The following NKAIN2 variants were observed in gnomAD, a reference collection of about 807,000 sequenced individuals.
The protein encoded by NKAIN2 is sodium/potassium-transporting ATPase subunit beta-1-interacting protein 2.
NKAIN2 carries 14 observed loss-of-function variants against 32.6 expected under a neutral mutation model. The observed-to-expected ratio is 0.43, with a 90% CI of 0.28 to 0.67. The LOEUF (loss-of-function observed/expected upper bound fraction) is 0.67. Among genes scored for constraint, NKAIN2 ranks in the 30% least tolerant of loss-of-function variants. The probability of loss-of-function intolerance (pLI) is 0.17; values close to 1 mark genes in which losing one functional copy is unlikely to be tolerated. For missense variants in NKAIN2, 198 were observed against 258.3 expected, an observed-to-expected ratio of 0.77 and a Z score of 1.60; for synonymous variants, 80 against 87.2, an observed-to-expected ratio of 0.92 and a Z score of 0.46.
intron 3 of NKAIN2, among the ~76,000 whole-genome samples, chr6:124,413,130 G>C (rs892102756): frequency 3.3e-5 from 5 of 152,136 alleles, no homozygotes; most frequent in Admixed American, 1.3e-4. Context: ...CCCGGGTGAG[G>C]TGATGCCTCA....
intron 3 of NKAIN2, among the ~76,000 whole-genome samples, chr6:124,373,217 A>G (rs1273699960): frequency 6.6e-6 from 1 of 152,144 alleles, no homozygotes; most frequent in Non-Finnish European, 1.5e-5. Flanking sequence ...AAGATTTGCT[A>G]ATGTCATGGA....
chr6:124,390,237 G>A (rs1773084599), intron 3 of NKAIN2, among the ~76,000 whole-genome samples: 2 of 152,156 alleles, frequency 1.3e-5, no homozygotes, highest in South Asian at 4.1e-4. Context: ...CTGAAGCAGG[G>A]GATTTTAACA....
intron 2 of NKAIN2, among the ~76,000 whole-genome samples, chr6:124,352,309 A>G (rs1798770576): frequency 6.6e-6 from 1 of 152,220 alleles, no homozygotes; most frequent in African/African-American, 2.4e-5. Flanking sequence ...ATTTACATTT[A>G]TACATACACA....
At chr6:124,655,340 AT>A (rs563487171) in intron 3 of NKAIN2, among the ~76,000 whole-genome samples, 1 of 151,638 alleles carries the variant, frequency 6.6e-6, no homozygotes, top group Non-Finnish European at 1.5e-5. Context: ...TATCATCTCC[AT>A]TTTTTTGGTT....
At chr6:124,685,643 C>G (rs957737015) in intron 4 of NKAIN2, among the ~76,000 whole-genome samples, 1 of 152,006 alleles carries the variant, frequency 6.6e-6, no homozygotes, top group Non-Finnish European at 1.5e-5. Context: ...TCCTAAGAAC[C>G]CTTCATCTAG....
intron 1 of NKAIN2, among the ~76,000 whole-genome samples, chr6:124,040,046 A>C (rs1781795977): frequency 1.3e-5 from 2 of 151,932 alleles, no homozygotes; most frequent in Admixed American, 1.3e-4. Flanking sequence ...AATGGCTGTT[A>C]TTTATTACAA....
chr6:124,650,232 T>A (rs1040542091), intron 3 of NKAIN2, among the ~76,000 whole-genome samples: 3 of 152,202 alleles, frequency 2.0e-5, no homozygotes, highest in Non-Finnish European at 4.4e-5. Context: ...AATGATTGTC[T>A]GTGTAGAAAA....
chr6:124,293,491 T>C (rs1795911290), intron 2 of NKAIN2, among the ~76,000 whole-genome samples: 1 of 152,120 alleles, frequency 6.6e-6, no homozygotes. Context: ...TCAAATAGGA[T>C]TGGAACTACA....
chr6:123,948,410 A>T (rs943195092), intron 1 of NKAIN2, among the ~76,000 whole-genome samples: 41 of 152,074 alleles, frequency 2.7e-4, no homozygotes, highest in Admixed American at 9.2e-4. Flanking sequence ...ATTTCTCAGC[A>T]TCCTCTCCAG....
intron 1 of NKAIN2, among the ~76,000 whole-genome samples, chr6:124,011,932 G>A (rs9375304): frequency 6.6e-6 from 1 of 152,102 alleles, no homozygotes; most frequent in Non-Finnish European, 1.5e-5. Context: ...ATGATAAATA[G>A]GACAGAATTC....
intron 1 of NKAIN2, among the ~76,000 whole-genome samples, chr6:123,839,524 TA>T (rs200613065): frequency 7.2e-5 from 11 of 151,958 alleles, no homozygotes; most frequent in South Asian, 4.2e-4. Flanking sequence ...TTTGTTTCAT[TA>T]AAAAAAATGT....
chr6:124,349,439 GC>G (rs199806343), intron 2 of NKAIN2, among the ~76,000 whole-genome samples: 5 of 147,408 alleles, frequency 3.4e-5, no homozygotes, highest in Non-Finnish European at 6.1e-5. Flanking sequence ...ATATTGGTGA[GC>G]TGATACTAGT....
At chr6:124,484,196 G>A (rs1277505259) in intron 3 of NKAIN2, among the ~76,000 whole-genome samples, 3 of 152,174 alleles carry the variant, frequency 2.0e-5, no homozygotes, top group African/African-American at 7.2e-5. Flanking sequence ...GCTCCTCAGA[G>A]AACTCTACAT....
intron 2 of NKAIN2, among the ~76,000 whole-genome samples, chr6:124,287,873 C>G (rs1474424484): frequency 6.6e-6 from 1 of 152,082 alleles, no homozygotes; most frequent in East Asian, 1.9e-4. Context: ...AGGTTCCTAT[C>G]CATTAAAGCC....
intron 1 of NKAIN2, among the ~76,000 whole-genome samples, chr6:124,109,138 A>C (rs1785250870): frequency 6.6e-6 from 1 of 151,842 alleles, no homozygotes; most frequent in Non-Finnish European, 1.5e-5. Context: ...CTGCATATTG[A>C]TTTGGGTGGT....
intron 3 of NKAIN2, among the ~76,000 whole-genome samples, chr6:124,550,431 G>T (rs1260844366): frequency 6.6e-6 from 1 of 151,204 alleles, no homozygotes; most frequent in African/African-American, 2.4e-5. Context: ...TTACTTTCTG[G>T]CACCACAGAT....
chr6:124,144,438 A>G (rs1257274497), intron 1 of NKAIN2, among the ~76,000 whole-genome samples: 1 of 152,202 alleles, frequency 6.6e-6, no homozygotes, highest in Non-Finnish European at 1.5e-5. Context: ...TACTTACAGA[A>G]GAAAAATAAT....
chr6:124,350,586 T>C (rs1470833531), intron 2 of NKAIN2, among the ~76,000 whole-genome samples: 3 of 152,194 alleles, frequency 2.0e-5, no homozygotes, highest in Non-Finnish European at 4.4e-5. Context: ...AGGGTGGATT[T>C]CTATGTTCAT....
chr6:124,438,955 A>G (rs924038573), intron 3 of NKAIN2, among the ~76,000 whole-genome samples: 2 of 152,104 alleles, frequency 1.3e-5, no homozygotes, highest in African/African-American at 4.8e-5. Context: ...GCCTTCCTTT[A>G]TTCACACTAT....
Sources: allele counts gnomAD v4.1 joint callset (sites outside exome capture counted in the v4.1 genomes callset), GRCh38; gene constraint gnomAD v4.1.1; transcripts MANE v1.5; gene names NCBI Gene and HGNC (gene_info 2026-07-23, HGNC 2026-07-21).